Variants in SAMMSON observed in about 807,000 individuals in gnomAD.
The protein encoded by SAMMSON is long intergenic non-protein coding RNA 1212.
At chr3:70,298,053 T>C (rs1250678895) in intron 7 of SAMMSON, among the ~76,000 whole-genome samples, 1 of 152,106 alleles carries the variant, frequency 6.6e-6, no homozygotes, top group Non-Finnish European at 1.5e-5. Flanking sequence ...AATCGGGTGC[T>C]ATTTGCTGAA....
intron 3 of SAMMSON, among the ~76,000 whole-genome samples, chr3:70,048,914 C>G (rs927395782): frequency 2.6e-5 from 4 of 152,106 alleles, no homozygotes; most frequent in Non-Finnish European, 5.9e-5. Context: ...AGGTGTCAAC[C>G]ATTCTTTGGA....
chr3:70,379,938 T>C (rs1286757654), intron 9 of SAMMSON, among the ~76,000 whole-genome samples: 1 of 152,142 alleles, frequency 6.6e-6, no homozygotes, highest in African/African-American at 2.4e-5. Context: ...AAAAAGGGAA[T>C]AAGGCAATGG....
chr3:70,004,112 T>G (rs1272113515), intron 1 of SAMMSON, among the ~76,000 whole-genome samples: 5 of 152,112 alleles, frequency 3.3e-5, no homozygotes, highest in African/African-American at 1.2e-4. Context: ...TTTGGTAACA[T>G]CTGTTTATTG....
At chr3:70,311,211 G>A (rs1228271095) in intron 7 of SAMMSON, among the ~76,000 whole-genome samples, 1 of 152,032 alleles carries the variant, frequency 6.6e-6, no homozygotes, top group Non-Finnish European at 1.5e-5. Flanking sequence ...AAAAGACGCA[G>A]CATACCTATT....
chr3:70,025,265 A>T (rs1333913745), intron 3 of SAMMSON: 1 of 151,980 alleles, frequency 6.6e-6, no homozygotes, highest in African/African-American at 2.4e-5. Context: ...TTTTTTTGAG[A>T]TGGAGTTTCA....
chr3:70,292,453 A>G (rs1702247567), intron 7 of SAMMSON, among the ~76,000 whole-genome samples: 1 of 152,166 alleles, frequency 6.6e-6, no homozygotes, highest in African/African-American at 2.4e-5. Flanking sequence ...CACTAGTAAT[A>G]CTAGCAAAGG....
chr3:70,047,184 A>G (rs1011860608), intron 3 of SAMMSON, among the ~76,000 whole-genome samples: 1 of 151,120 alleles, frequency 6.6e-6, no homozygotes, highest in African/African-American at 2.4e-5. Flanking sequence ...CAAAAGTGAT[A>G]AAGTATGGTG....
chr3:70,371,561 G>C (rs1051294447), intron 9 of SAMMSON, among the ~76,000 whole-genome samples: 4 of 151,752 alleles, frequency 2.6e-5, no homozygotes, highest in African/African-American at 9.7e-5. Context: ...CCACTTCCTT[G>C]GTTAAATTTA....
intron 7 of SAMMSON, among the ~76,000 whole-genome samples, chr3:70,294,699 T>C (rs1702273233): frequency 6.6e-6 from 1 of 152,150 alleles, no homozygotes; most frequent in Admixed American, 6.6e-5. Flanking sequence ...AAAGGTAGAA[T>C]GGCTCGAGGA....
At chr3:70,249,047 G>A (rs1349834391) in intron 4 of SAMMSON, 4 of 152,142 alleles carry the variant, frequency 2.6e-5, no homozygotes, top group African/African-American at 4.8e-5. Context: ...TAGGAAATGA[G>A]GAAGTGGAGG....
chr3:70,145,170 G>A (rs1416323148), intron 4 of SAMMSON, among the ~76,000 whole-genome samples: 1 of 152,076 alleles, frequency 6.6e-6, no homozygotes, highest in Non-Finnish European at 1.5e-5. Context: ...GCCCTCACAT[G>A]CTGAATTCAC....
At chr3:70,050,329 A>G (rs946249358) in intron 3 of SAMMSON, among the ~76,000 whole-genome samples, 2 of 152,128 alleles carry the variant, frequency 1.3e-5, no homozygotes, top group African/African-American at 4.8e-5. Flanking sequence ...GAATTCCTCC[A>G]TCTCACAACC....
At chr3:70,315,826 A>G (rs1702490168) in intron 7 of SAMMSON, among the ~76,000 whole-genome samples, 1 of 152,154 alleles carries the variant, frequency 6.6e-6, no homozygotes, top group African/African-American at 2.4e-5. Flanking sequence ...CTCAAAAGTG[A>G]CAAGCCAGCC....
At chr3:70,281,529 A>G (rs1702083264) in intron 6 of SAMMSON, among the ~76,000 whole-genome samples, 2 of 152,174 alleles carry the variant, frequency 1.3e-5, no homozygotes, top group Non-Finnish European at 2.9e-5. Context: ...GAGGTGATAA[A>G]ATGAGATCAT....
At chr3:70,426,603 A>T (rs1016657116) in intron 2 of SAMMSON, among the ~76,000 whole-genome samples, 17 of 152,120 alleles carry the variant, frequency 1.1e-4, no homozygotes, top group African/African-American at 4.1e-4. Context: ...TTCTTCCCCT[A>T]AACAAGAGTA....
chr3:70,418,979 T>TTCTCTC (rs71129503), intron 2 of SAMMSON, among the ~76,000 whole-genome samples: 6 of 67,304 alleles, frequency 8.9e-5, no homozygotes, highest in East Asian at 4.1e-4. Flanking sequence ...CCTTCCTTCC[T>TTCTCTC]TCTCTCTCTC....
chr3:70,281,961 A>C (rs1702088781), intron 6 of SAMMSON, among the ~76,000 whole-genome samples: 1 of 152,222 alleles, frequency 6.6e-6, no homozygotes, highest in African/African-American at 2.4e-5. Context: ...GTACTGCACA[A>C]GGCCAGTCCT....
At chr3:70,060,223 G>A (rs1009813925) in intron 3 of SAMMSON, among the ~76,000 whole-genome samples, 3 of 152,068 alleles carry the variant, frequency 2.0e-5, no homozygotes, top group African/African-American at 7.2e-5. Context: ...TGCTGGGGAC[G>A]TGGCTATGAC....
At chr3:70,034,927 C>T (rs1316904826) in intron 3 of SAMMSON, among the ~76,000 whole-genome samples, 1 of 152,132 alleles carries the variant, frequency 6.6e-6, no homozygotes, top group Non-Finnish European at 1.5e-5. Flanking sequence ...TAGAATTGTT[C>T]TATTAATTTT....
Sources: gnomAD v4.1 joint callset for allele counts (sites outside exome capture counted in the v4.1 genomes callset) on GRCh38, gnomAD v4.1.1 for gene constraint, MANE v1.5 for transcripts, NCBI Gene and HGNC (gene_info 2026-07-23, HGNC 2026-07-21) for gene names.